The following SLC22A9 variants were observed in gnomAD, a reference collection of about 807,000 sequenced individuals.
SLC22A9 encodes organic anion transporter 7.
Under a neutral mutation model 50.1 loss-of-function variants are expected in SLC22A9, and 64 were observed. The ratio of observed to expected loss-of-function variants is 1.28; its 90% confidence interval spans 1.04 to 1.57. SLC22A9 has a LOEUF of 1.57. SLC22A9 is among the 40% of genes most tolerant of loss of function. The pLI is 0.00. For synonymous variants in SLC22A9, 261 were observed against 242.5 expected (o/e 1.08, Z -0.71); for missense variants, 757 against 676.1 (o/e 1.12, Z -1.33).
At chr11:63,388,730 TG>T (rs1161262810) in intron 6 of SLC22A9, among the ~76,000 whole-genome samples, 5 of 150,850 alleles carry the variant, frequency 3.3e-5, no homozygotes, top group East Asian at 2.0e-4. Flanking sequence ...ATTTTTTTTT[TG>T]AATAATATGA....
At chr11:63,386,687 T>C (rs1219593867) in intron 6 of SLC22A9, among the ~76,000 whole-genome samples, 1 of 151,740 alleles carries the variant, frequency 6.6e-6, no homozygotes, top group African/African-American at 2.4e-5. Flanking sequence ...TGCCATTTTT[T>C]ATTGTGTCTA....
At chr11:63,380,895 G>A (rs1389327442) in intron 5 of SLC22A9, among the ~76,000 whole-genome samples, 2 of 151,682 alleles carry the variant, frequency 1.3e-5, no homozygotes, top group East Asian at 3.9e-4. Context: ...AAAGAGCATT[G>A]GAATCAAAAA....
In SLC22A9 at chr11:63,400,632, AAGG is replaced by A. The variant is rs1274845986; in HGVS notation, c.1074-5861_1074-5859del. Among the ~76,000 whole-genome samples the A allele has an allele frequency of 1.1e-3, 166 of 152,266 alleles. 2 individuals are homozygous for A. The highest frequency in any genetic ancestry group is 7.4e-5 in the Non-Finnish European group (5 of 67,962). On this transcript the variant is annotated intron_variant, in intron 6 of 9. Transcript: ENST00000279178. Reference sequence around the variant, plus strand: ...TGTACACAAACTATTTGAGAAAATAAAGGAGGTGGGAATACTTCCAAACTCATT... The same window carrying A: ...TGTACACAAACTATTTGAGAAAATAAAGGTGGGAATACTTCCAAACTCATT...
At chr11:63,384,070 A>G (rs2014617269) in intron 6 of SLC22A9, among the ~76,000 whole-genome samples, 1 of 151,512 alleles carries the variant, frequency 6.6e-6, no homozygotes, top group Non-Finnish European at 1.5e-5. Context: ...AAAAAGAGGA[A>G]CAAAGTGAGA....
intron 2 of SLC22A9, 24 bp downstream of exon 2, chr11:63,371,262 C>T (rs745415221): frequency 9.2e-6 from 14 of 1,519,404 alleles, no homozygotes; most frequent in Non-Finnish European, 1.3e-5. Context: ...GAACACAGCT[C>T]TCTTTAAGGG....
chr11:63,384,211 G>A (rs550836100), intron 6 of SLC22A9, among the ~76,000 whole-genome samples: 16 of 152,206 alleles, frequency 1.1e-4, no homozygotes, highest in African/African-American at 3.6e-4. Context: ...ATGTTCCATG[G>A]TGATTTGCTG....
At chr11:63,398,378 G>A (rs2014896072) in intron 6 of SLC22A9, among the ~76,000 whole-genome samples, 1 of 152,166 alleles carries the variant, frequency 6.6e-6, no homozygotes, top group South Asian at 2.1e-4. Context: ...CCCAGGCCCA[G>A]CACAGCACCA....
At position 63,396,489 on chromosome 11, in the gene SLC22A9, G is replaced by C. The variant is rs897493092; in HGVS notation, c.1074-10008G>C. 2.6e-5 allele frequency among the ~76,000 whole-genome samples: 4 copies of C among 152,248 alleles called. No homozygotes were observed. In the South Asian group the frequency reaches 8.3e-4, roughly 32 times the overall value. ...TCCCCAGTGGGGGTGCGTGTTCAGG[G>C]GTGGAGGATCTCTCTTTTCTACTTC... On this transcript the variant is annotated intron_variant, in intron 6 of 9. Coordinates refer to ENST00000279178, the MANE Select transcript of SLC22A9 (RefSeq NM_080866.3).
At position 63,408,894 on chromosome 11, in the gene SLC22A9, C is replaced by A. The variant is rs766799241; in HGVS notation, c.1601+15C>A. On this transcript the variant is annotated intron_variant, in intron 9 of 9. Coordinates refer to ENST00000279178, the MANE Select transcript of SLC22A9 (RefSeq NM_080866.3). ...GAGAAAAATGAGTGAGTAAATAGCC[C>A]GGTTGCCCCTCAGAGGATCTGTGTG... is the stretch of plus-strand genomic sequence containing the variant. The A allele has an allele frequency of 3.1e-6, 5 of 1,613,172 alleles. No homozygotes were observed. The highest frequency in any genetic ancestry group is 4.2e-6 in the Non-Finnish European group (5 of 1,179,464).
At chr11:63,390,566 T>C (rs985035465) in intron 6 of SLC22A9, among the ~76,000 whole-genome samples, 15 of 152,172 alleles carry the variant, frequency 9.9e-5, no homozygotes, top group Non-Finnish European at 1.6e-4. Context: ...CCATGCTGTT[T>C]TGGGGTCTGT....
chr11:63,408,745 C>G lies in SLC22A9; in HGVS notation c.1467C>G (p.Ile489Met). Residue 489 changes from isoleucine to methionine, a missense_variant, in exon 9 of 10, where the codon ATC (isoleucine) becomes ATG (methionine). Ile to Met is a conservative substitution (Grantham distance 10). Transcript: ENST00000279178. ...GAGCCCTGGCTCCCCTCATGATGATCCTAAGTGTGTATTCTCCACCCCTGC... is the reference window on the plus strand; with the variant it reads ...GAGCCCTGGCTCCCCTCATGATGATGCTAAGTGTGTATTCTCCACCCCTGC... ...IAGALAPLMM[I>M]LSVYSPPLPW... 1 of 1,613,984 alleles carries G rather than the reference C, an allele frequency of 6.2e-7. No individual in the cohort carries two copies. The highest frequency in any genetic ancestry group is 2.2e-5 in the East Asian group (1 of 44,866).
intron 6 of SLC22A9, among the ~76,000 whole-genome samples, chr11:63,384,789 C>T (rs2014631040): frequency 6.6e-6 from 1 of 152,160 alleles, no homozygotes; most frequent in Non-Finnish European, 1.5e-5. Context: ...TCTCCTCAAC[C>T]TTGCCAGCAT....
Position 63,385,106 on chromosome 11 carries a change from G to GTTTTTTTTT in SLC22A9, c.1073+2842_1073+2850dup, listed in dbSNP as rs149124193. Among the ~76,000 whole-genome samples the GTTTTTTTTT allele has an allele frequency of 1.9e-3, 145 of 76,492 alleles. 1 individual carries two copies. The highest frequency in any genetic ancestry group is 2.6e-3 in the Non-Finnish European group (109 of 41,952). 50.2% of individuals were successfully genotyped at this position (76,492 alleles called of 152,430 possible). A position where few individuals can be genotyped will look rare whatever the true frequency, so the allele number is the denominator to read the frequency against. ...CTTGCCTGTTCACTCTGATGATACA[G>GTTTTTTTTT]TTTTTTTTTTTTTTTTTTTTTGCTG... On this transcript the variant is annotated intron_variant, in intron 6 of 9. Transcript: ENST00000279178.
chr11:63,408,800 A>G lies in SLC22A9; in HGVS notation c.1522A>G (p.Ile508Val). 6.2e-7 allele frequency: 1 copy of G among 1,613,946 alleles called. No individual in the cohort carries two copies. The highest frequency in any genetic ancestry group is 1.1e-5 in the South Asian group (1 of 91,076). ...PWIIYGVFPF[I>V]SGFAFLLLPE... Reference sequence around the variant, plus strand: ...GATCATCTATGGAGTCTTCCCCTTCATCTCTGGCTTTGCTTTCCTCCTCCT... The same window carrying G: ...GATCATCTATGGAGTCTTCCCCTTCGTCTCTGGCTTTGCTTTCCTCCTCCT... Residue 508 changes from isoleucine to valine, a missense_variant, in exon 9 of 10, where the codon ATC becomes GTC. Transcript: ENST00000279178.
chr11:63,392,557 G>A (rs1227677003), intron 6 of SLC22A9, among the ~76,000 whole-genome samples: 1 of 151,742 alleles, frequency 6.6e-6, no homozygotes, highest in Non-Finnish European at 1.5e-5. Context: ...GTCTCTCCTG[G>A]TCTTTAAAAT....
intron 2 of SLC22A9, among the ~76,000 whole-genome samples, chr11:63,373,354 C>T (rs1591012165): frequency 6.6e-6 from 1 of 152,094 alleles, no homozygotes. Context: ...GTACAAGGGA[C>T]TTCTGATACT....
intron 6 of SLC22A9, among the ~76,000 whole-genome samples, chr11:63,397,686 CTG>C (rs1405911025): frequency 2.0e-5 from 3 of 152,018 alleles, no homozygotes; most frequent in Non-Finnish European, 2.9e-5. Context: ...TAAGTACTAC[CTG>C]TTTATTGCCA....
chr11:63,391,250 C>T lies in SLC22A9; in HGVS notation c.1073+8973C>T, dbSNP rs574123327. Reference sequence around the variant, plus strand: ...TTTGTGGCTTAACATATGGTCTATCCTTAAGAAATACCCATGAGCTGAGGA... The same window carrying T: ...TTTGTGGCTTAACATATGGTCTATCTTTAAGAAATACCCATGAGCTGAGGA... On this transcript the variant is annotated intron_variant, in intron 6 of 9. Coordinates refer to ENST00000279178, the MANE Select transcript of SLC22A9 (RefSeq NM_080866.3). 2.6e-5 allele frequency among the ~76,000 whole-genome samples: 4 copies of T among 152,110 alleles called. No individual in the cohort carries two copies. The East Asian group carries it at 7.7e-4, about 29-fold the overall frequency.
chr11:63,378,220 A>C (rs1302187725), intron 5 of SLC22A9, among the ~76,000 whole-genome samples: 1 of 139,226 alleles, frequency 7.2e-6, no homozygotes, highest in Non-Finnish European at 1.5e-5. Flanking sequence ...CTAATACCAA[A>C]ACCTGGCAGA....
Sources: gnomAD v4.1 joint callset for allele counts (sites outside exome capture counted in the v4.1 genomes callset) on GRCh38, gnomAD v4.1.1 for gene constraint, MANE v1.5 for transcripts, NCBI Gene and HGNC (gene_info 2026-07-23, HGNC 2026-07-21) for gene names.